NUAK2: variants seen among roughly 807,000 people sequenced by gnomAD.
NUAK2 encodes the protein NUAK family SNF1-like kinase 2.
NUAK2 carries 20 observed loss-of-function variants against 29.8 expected under a neutral mutation model. The ratio of observed to expected loss-of-function variants is 0.67; its 90% confidence interval spans 0.47 to 0.98. The LOEUF (loss-of-function observed/expected upper bound fraction) is 0.98, where lower values mean the gene tolerates loss of function less well. Among genes scored for constraint, NUAK2 ranks in the 50% least tolerant of loss-of-function variants. The probability of loss-of-function intolerance (pLI) is 0.00; values close to 1 mark genes in which losing one functional copy is unlikely to be tolerated. For missense variants in NUAK2, 719 were observed against 834.5 expected (o/e 0.86, Z 1.71); for synonymous variants, 331 against 342.6 (o/e 0.97, Z 0.37).
At chr1:205,310,364 G>C (rs1662240725) in intron 2 of NUAK2, among the ~76,000 whole-genome samples, 1 of 152,218 alleles carries the variant, frequency 6.6e-6, no homozygotes, top group African/African-American at 2.4e-5. Flanking sequence ...AGCTAGGTTA[G>C]ATGTCATTTC....
intron 1 of NUAK2, among the ~76,000 whole-genome samples, chr1:205,315,854 C>T (rs1662320818): frequency 6.6e-6 from 1 of 151,196 alleles, no homozygotes; most frequent in Admixed American, 6.6e-5. Context: ...GCCTGGGTGA[C>T]AGAGCGAGCC....
Position 205,302,754 on chromosome 1 carries a change from G to GCA in NUAK2, c.*695_*696insTG. On this transcript the variant is annotated 3_prime_UTR_variant, in exon 7 of 7. Transcript: ENST00000367157. ...TAAAAATACAAAATTAGCCGGGCAT[G>GCA]GTGGCGGGCGCCTGTAATCCCAGCT... 6.6e-6 allele frequency: 1 copy of GCA among 152,090 alleles called. No individual in the cohort carries two copies. Among genetic ancestry groups the GCA allele is most frequent in the Non-Finnish European group, 1.5e-5 (1 of 68,054 alleles). 9.4% of individuals were successfully genotyped at this position (152,090 alleles called of 1,614,324 possible).
Position 205,303,396 on chromosome 1 carries a change from G to A in NUAK2, c.*54C>T. 1.4e-6 allele frequency: 2 copies of A among 1,463,718 alleles called. No individual in the cohort carries two copies. Among genetic ancestry groups the A allele is most frequent in the Admixed American group, 4.7e-5 (2 of 42,778 alleles). 90.7% of individuals were successfully genotyped at this position (1,463,718 alleles called of 1,614,324 possible). A position where few individuals can be genotyped will look rare whatever the true frequency, so the allele number is the denominator to read the frequency against. The stretch of plus-strand genomic sequence containing the variant: ...GGGGGAGAAGGCATCTCCCCTCGGG[G>A]TGCAACCAGCTGCATCTGAGAGCCT... On this transcript the variant is annotated 3_prime_UTR_variant, in exon 7 of 7. Coordinates refer to ENST00000367157, the MANE Select transcript of NUAK2 (RefSeq NM_030952.3).
At chr1:205,305,471 G>A in intron 5 of NUAK2, 140 bp from the exon 6 acceptor site, 1 of 1,423,696 alleles carries the variant, frequency 7.0e-7, no homozygotes, top group East Asian at 2.6e-5. Context: ...CTGCAGAAGG[G>A]GTCTGAGATG....
At chr1:205,319,812 TC>T (rs1662383478) in intron 1 of NUAK2, among the ~76,000 whole-genome samples, 1 of 152,060 alleles carries the variant, frequency 6.6e-6, no homozygotes, top group African/African-American at 2.4e-5. Flanking sequence ...TTCTCCAACA[TC>T]CACTCTCCTT....
chr1:205,314,725 A>G (rs542831677), intron 1 of NUAK2, among the ~76,000 whole-genome samples: 8 of 152,258 alleles, frequency 5.3e-5, no homozygotes, highest in Non-Finnish European at 1.2e-4. Context: ...GATCAATCAT[A>G]TATAAACATG....
chr1:205,311,903 C>T (rs879763949), intron 1 of NUAK2, 78 bp from the exon 2 acceptor site: 37 of 1,585,016 alleles, frequency 2.3e-5, no homozygotes, highest in Non-Finnish European at 2.9e-5. Context: ...GGTGGTTTGC[C>T]TGTAGCTGCT....
intron 1 of NUAK2, among the ~76,000 whole-genome samples, chr1:205,313,690 A>G (rs1215751036): frequency 4.0e-5 from 6 of 151,666 alleles, no homozygotes; most frequent in Non-Finnish European, 2.9e-5. Context: ...TGTGAAACAA[A>G]CAGGTTGAAC....
chr1:205,308,805 T>C lies in NUAK2; in HGVS notation c.353-73A>G. 1 of 1,553,374 alleles carries C rather than the reference T, an allele frequency of 6.4e-7. No homozygotes were observed. Among genetic ancestry groups the C allele is most frequent in the Non-Finnish European group, 8.8e-7 (1 of 1,137,006 alleles). Reference sequence around the variant, plus strand: ...CTCTCCACTGGGGGTGACTCACTCCTCCCCGACCCCAGGCCCCAAACCAGA... The same window carrying C: ...CTCTCCACTGGGGGTGACTCACTCCCCCCCGACCCCAGGCCCCAAACCAGA... On this transcript the variant is annotated intron_variant, in intron 2 of 6. Transcript: ENST00000367157. The surrounding 1 kb of genome is among the most constrained non-coding windows in gnomAD (Gnocchi z 4.1).
At chr1:205,305,994 G>A (rs9659036) in intron 5 of NUAK2, among the ~76,000 whole-genome samples, 194 bp downstream of exon 5, 1,698 of 152,350 alleles carry the variant, frequency 0.011, 28 homozygotes, top group African/African-American at 0.038. Flanking sequence ...GATTATAGGT[G>A]TGAGCCACTG....
chr1:205,303,681 C>T lies in NUAK2; in HGVS notation c.1656G>A (p.Glu552=). ...AVSEDSILSS[E]SFDQLDLPER... Reference sequence around the variant, plus strand: ...CAGGCAAGTCCAGCTGGTCAAAGGACTCAGAGGACAGGATGCTGTCCTCGC... The same window carrying T: ...CAGGCAAGTCCAGCTGGTCAAAGGATTCAGAGGACAGGATGCTGTCCTCGC... Residue 552 remains glutamate, a synonymous_variant, in exon 7 of 7, where the codon GAG becomes GAA. Transcript: ENST00000367157. 6.4e-7 allele frequency: 1 copy of T among 1,554,184 alleles called. No homozygotes were observed. The highest frequency in any genetic ancestry group is 1.2e-5 in the South Asian group (1 of 81,868).
At chr1:205,317,399 C>A (rs1169149406) in intron 1 of NUAK2, among the ~76,000 whole-genome samples, 1 of 152,166 alleles carries the variant, frequency 6.6e-6, no homozygotes, top group Non-Finnish European at 1.5e-5. Flanking sequence ...GGGCAAGGAG[C>A]TAGGGGATGA....
At chr1:205,306,368 C>T in intron 4 of NUAK2, 61 bp from the exon 5 acceptor site, 1 of 1,555,434 alleles carries the variant, frequency 6.4e-7, no homozygotes, top group Non-Finnish European at 8.7e-7. Flanking sequence ...TTCTGCAGCT[C>T]TTGGCCCGCC....
At chr1:205,317,826 A>G (rs1341523991) in intron 1 of NUAK2, among the ~76,000 whole-genome samples, 1 of 152,224 alleles carries the variant, frequency 6.6e-6, no homozygotes, top group East Asian at 1.9e-4. Context: ...CTTTGAACAA[A>G]GCAGCAACCA....
rs779985165 is a variant in NUAK2 at position 205,303,871 on chromosome 1, G to C, written c.1466C>G (p.Pro489Arg). ...VSGDPKEQKP[P>R]QASGLLLHRK... ...ATGGAGGAGCAGCCCTGAAGCTTGC[G>C]GAGGCTTCTGCTCCTTGGGATCCCC... Residue 489 changes from proline to arginine, a missense_variant, in exon 7 of 7, where the codon CCG (proline) becomes CGG (arginine). By Grantham distance (103) the Pro-to-Arg change is moderately radical. Coordinates refer to ENST00000367157, the MANE Select transcript of NUAK2 (RefSeq NM_030952.3). 6.2e-7 allele frequency: 1 copy of C among 1,613,670 alleles called. No homozygotes were observed. Among genetic ancestry groups the C allele is most frequent in the South Asian group, 1.1e-5 (1 of 91,060 alleles).
Position 205,303,717 on chromosome 1 carries a change from T to C in NUAK2, c.1620A>G (p.Ser540=). The C allele has an allele frequency of 6.5e-7, 1 of 1,539,792 alleles. No homozygotes were observed. Among genetic ancestry groups the C allele is most frequent in the Non-Finnish European group, 8.7e-7 (1 of 1,144,942 alleles). ...PRPLARASRP[S]GAVSEDSILS... is the part of the protein sequence containing the mutation. ...GGATGCTGTCCTCGCTCACAGCCCC[T>C]GAGGGTCGGCTGGCCCGGGCCAGGG... The change falls in exon 7 of 7, where the codon TCA becomes TCG. Residue 540 remains serine (S), a synonymous_variant. Transcript: ENST00000367157.
intron 2 of NUAK2, 110 bp downstream of exon 2, chr1:205,311,595 A>AT (rs1411516298): frequency 3.5e-5 from 50 of 1,411,664 alleles, no homozygotes; most frequent in South Asian, 7.6e-5. Flanking sequence ...TAGAGCCTAT[A>AT]TTTTTTTTAC....
At chr1:205,315,004 C>T (rs1662306987) in intron 1 of NUAK2, among the ~76,000 whole-genome samples, 1 of 152,160 alleles carries the variant, frequency 6.6e-6, no homozygotes, top group African/African-American at 2.4e-5. Context: ...TCCAGAAGCC[C>T]ATGATTCTAC....
At chr1:205,316,906 G>A (rs1662335435) in intron 1 of NUAK2, among the ~76,000 whole-genome samples, 1 of 152,162 alleles carries the variant, frequency 6.6e-6, no homozygotes, top group South Asian at 2.1e-4. Flanking sequence ...GTCCAGAAAG[G>A]CACACTGACT....
Sources: allele counts gnomAD v4.1 joint callset (sites outside exome capture counted in the v4.1 genomes callset), GRCh38; gene constraint gnomAD v4.1.1; non-coding constraint Gnocchi (gnomAD v3.1); transcripts MANE v1.5; gene names NCBI Gene and HGNC (gene_info 2026-07-23, HGNC 2026-07-21).